The following OLFML2A variants were observed in gnomAD, a reference collection of about 807,000 sequenced individuals.
OLFML2A encodes the protein olfactomedin-like protein 2A.
In OLFML2A, 47 loss-of-function variants were observed where a neutral mutation model predicts 60.9. The observed-to-expected ratio is 0.77, with a 90% CI of 0.61 to 0.98. The LOEUF is 0.98. Ranked by LOEUF, OLFML2A falls within the 50% of genes least tolerant of loss-of-function variation. OLFML2A has a pLI of 0.00. For synonymous variants in OLFML2A, 372 were observed against 375.0 expected, an observed-to-expected ratio of 0.99 and a Z score of 0.09; for missense variants, 922 against 879.8, an observed-to-expected ratio of 1.05 and a Z score of -0.61.
intron 1 of OLFML2A, among the ~76,000 whole-genome samples, chr9:124,780,512 C>G (rs1194525133): frequency 6.6e-6 from 1 of 152,198 alleles, no homozygotes; most frequent in Non-Finnish European, 1.5e-5. Flanking sequence ...CCAGGCTAGT[C>G]CCGGGGGTTT....
At chr9:124,784,226 CAG>C (rs1209883306) in intron 1 of OLFML2A, among the ~76,000 whole-genome samples, 1 of 150,990 alleles carries the variant, frequency 6.6e-6, no homozygotes, top group Non-Finnish European at 1.5e-5. Context: ...CTGAGACAGA[CAG>C]AGTCTTGCTC....
chr9:124,801,132 G>C, intron 4 of OLFML2A: 2 of 1,392,328 alleles, frequency 1.4e-6, no homozygotes, highest in Non-Finnish European at 2.0e-6. Context: ...CTGCCCCCCA[G>C]GGGGATTGGA....
At chr9:124,802,026 A>G (rs982345094) in intron 5 of OLFML2A, among the ~76,000 whole-genome samples, 1 of 152,100 alleles carries the variant, frequency 6.6e-6, no homozygotes, top group East Asian at 1.9e-4. Flanking sequence ...GAGAAAAAAT[A>G]CCTATGACCA....
intron 4 of OLFML2A, chr9:124,801,203 GAGC>G (rs1841768273): frequency 1.1e-6 from 1 of 896,048 alleles, no homozygotes; most frequent in Non-Finnish European, 1.7e-6. Flanking sequence ...GCCTGCAAGG[GAGC>G]TAAAGAGCTG....
intron 3 of OLFML2A, among the ~76,000 whole-genome samples, chr9:124,797,002 G>T (rs937288816): frequency 2.6e-5 from 4 of 152,094 alleles, no homozygotes; most frequent in Non-Finnish European, 5.9e-5. Context: ...CTAGTTTTTT[G>T]ATTGTTTGTT....
intron 1 of OLFML2A, among the ~76,000 whole-genome samples, chr9:124,780,476 T>C (rs1237716661): frequency 6.6e-6 from 1 of 152,130 alleles, no homozygotes; most frequent in Non-Finnish European, 1.5e-5. Context: ...GGCGGTGGTG[T>C]CCGGGGCTGG....
chr9:124,781,914 A>G (rs568611442), intron 1 of OLFML2A, among the ~76,000 whole-genome samples: 1 of 152,106 alleles, frequency 6.6e-6, no homozygotes, highest in East Asian at 1.9e-4. Flanking sequence ...TCTCAAATAC[A>G]CCTTCATCTC....
chr9:124,792,924 C>T (rs180882888), intron 2 of OLFML2A, among the ~76,000 whole-genome samples: 1 of 115,356 alleles, frequency 8.7e-6, no homozygotes, highest in African/African-American at 3.0e-5. Flanking sequence ...CCATGCAGAC[C>T]CTCGGGGCCA....
In OLFML2A at chr9:124,810,214, C is replaced by G; in HGVS notation, c.1761C>G (p.Ala587=). Residue 587 remains alanine, a synonymous_variant, in exon 8 of 8, where the codon GCC becomes GCG. Coordinates refer to ENST00000373580, the MANE Select transcript of OLFML2A (RefSeq NM_182487.4). The part of the protein sequence containing the change: ...NCFLVCGILY[A]VDTYNQQEGQ... ...TCCTGGTGTGCGGCATCCTGTATGC[C>G]GTGGACACGTACAACCAGCAGGAAG... 6.2e-7 allele frequency: 1 copy of G among 1,613,664 alleles called. No homozygotes were observed. Among genetic ancestry groups the G allele is most frequent in the African/African-American group, 1.3e-5 (1 of 75,032 alleles).
At chr9:124,791,463 G>A (rs149415014) in intron 2 of OLFML2A, among the ~76,000 whole-genome samples, 64 of 152,224 alleles carry the variant, frequency 4.2e-4, no homozygotes, top group African/African-American at 1.2e-3. Context: ...CAGGCCAGGC[G>A]CAGTGCATCA....
At chr9:124,782,455 C>T (rs1175401422) in intron 1 of OLFML2A, among the ~76,000 whole-genome samples, 3 of 152,218 alleles carry the variant, frequency 2.0e-5, no homozygotes, top group South Asian at 2.1e-4. Context: ...GCCCTGCATG[C>T]GTTGATTGTT....
intron 2 of OLFML2A, among the ~76,000 whole-genome samples, 163 bp from the exon 3 acceptor site, chr9:124,794,861 A>T (rs540665635): frequency 7.9e-5 from 12 of 151,856 alleles, no homozygotes; most frequent in Admixed American, 4.6e-4. Flanking sequence ...ACCTCAGGTG[A>T]TCCACCCGCC....
At chr9:124,787,329 G>GAATTTT in intron 2 of OLFML2A, 91 bp downstream of exon 2, 1 of 1,293,548 alleles carries the variant, frequency 7.7e-7, no homozygotes, top group Non-Finnish European at 1.1e-6. Context: ...ACTCTGTGAG[G>GAATTTT]CGAGTGGTGT....
At chr9:124,797,709 T>G (rs1841693195) in intron 3 of OLFML2A, among the ~76,000 whole-genome samples, 2 of 152,204 alleles carry the variant, frequency 1.3e-5, no homozygotes, top group Non-Finnish European at 1.5e-5. Flanking sequence ...CCAGATCTAC[T>G]AGAGCTTTGG....
rs115055994 is a variant in OLFML2A, at chr9:124,796,060, G to A, written c.462+929G>A. On this transcript the variant is annotated intron_variant, in intron 3 of 7. Coordinates refer to ENST00000373580, the MANE Select transcript of OLFML2A (RefSeq NM_182487.4). The stretch of plus-strand genomic sequence containing the variant: ...TGCATCCGGCCTCTGTTGGGCCACT[G>A]GGAGTCTGGGGACATACAGCTGCCA... 4.9e-3 allele frequency among the ~76,000 whole-genome samples: 750 copies of A among 152,344 alleles called. 3 individuals are homozygous for A. Among genetic ancestry groups the A allele is most frequent in the Middle Eastern group, 0.024 (7 of 294 alleles).
At chr9:124,808,067 A>G (rs918368251) in intron 7 of OLFML2A, 101 bp downstream of exon 7, 2 of 890,622 alleles carry the variant, frequency 2.2e-6, no homozygotes, top group Non-Finnish European at 1.8e-6. Context: ...TTTCTATGGT[A>G]TAGGCTGGTT....
intron 2 of OLFML2A, among the ~76,000 whole-genome samples, chr9:124,791,010 G>C (rs1310587588): frequency 6.6e-6 from 1 of 152,182 alleles, no homozygotes; most frequent in African/African-American, 2.4e-5. Context: ...GGGGGTTGGA[G>C]GGTGCCTTTT....
chr9:124,785,390 CTTTTTTTTTTTTTTT>C (rs1171618111), intron 1 of OLFML2A, among the ~76,000 whole-genome samples: 1,468 of 62,518 alleles, frequency 0.023, 57 homozygotes, highest in African/African-American at 0.093. Context: ...CATTTTCTTT[CTTTTTTTTTTTTTTT>C]TTTTTTTTTT....
Position 124,804,255 on chromosome 9 carries a change from ACCACCACCACCG to A in OLFML2A, c.1093_1104del (p.Ala365_Thr368del). The stretch of plus-strand genomic sequence containing the variant: ...TGGCACCCCCACTTCAATCCCTGCC[ACCACCACCACCG>A]CCACCACCACCCCAACCCCCACCAC... On this transcript the variant is annotated inframe_deletion, in exon 6 of 8. Transcript: ENST00000373580. The A allele has an allele frequency of 1.3e-6, 2 of 1,599,720 alleles. No homozygotes were observed. Among genetic ancestry groups the A allele is most frequent in the Non-Finnish European group, 1.7e-6 (2 of 1,172,260 alleles).
Sources: gnomAD v4.1 joint callset for allele counts (sites outside exome capture counted in the v4.1 genomes callset) on GRCh38, gnomAD v4.1.1 for gene constraint, MANE v1.5 for transcripts, NCBI Gene and HGNC (gene_info 2026-07-23, HGNC 2026-07-21) for gene names.